Variants in NSMAF observed in about 807,000 individuals in gnomAD.
NSMAF encodes protein FAN.
In NSMAF, 90 loss-of-function variants were observed where a neutral mutation model predicts 134.9. The ratio of observed to expected loss-of-function variants is 0.67; its 90% CI spans 0.56 to 0.79. The LOEUF (loss-of-function observed/expected upper bound fraction) is 0.79, where lower values mean the gene tolerates loss of function less well. NSMAF is among the 30% of genes least tolerant of loss of function. The pLI is 0.00. For missense variants in NSMAF, 1,010 were observed against 1,119.0 expected (o/e 0.90, Z 1.39); for synonymous variants, 358 against 389.6 (o/e 0.92, Z 0.96).
intron 14 of NSMAF, 39 bp downstream of exon 14, chr8:58,602,019 C>T (rs752311208): frequency 7.3e-6 from 11 of 1,499,948 alleles, no homozygotes; most frequent in Middle Eastern, 1.7e-4. Flanking sequence ...CATGGCTTCT[C>T]GTGTTGCTTA....
chr8:58,630,330 T>A (rs527767843), intron 6 of NSMAF, among the ~76,000 whole-genome samples: 1 of 152,022 alleles, frequency 6.6e-6, no homozygotes, highest in Admixed American at 6.5e-5. Context: ...TTTTTTTTTT[T>A]AATCTGAGAA....
At position 58,601,544 on chromosome 8, in the gene NSMAF, C is replaced by CATAAA; in HGVS notation, c.1126-10_1126-9insTTTAT. On this transcript the variant is annotated splice_polypyrimidine_tract_variant and intron_variant, in intron 14 of 30. Transcript: ENST00000038176. The stretch of plus-strand genomic sequence containing the variant: ...ATTTCCTGGTAGCGTGTCTAGAATA[C>CATAAA]AGAAAAAAAAAAAAAATAGAGCTAA... 2.2e-6 allele frequency: 2 copies of CATAAA among 911,210 alleles called. No individual in the cohort carries two copies. The highest frequency in any genetic ancestry group is 1.4e-6 in the Non-Finnish European group (1 of 713,304). 56.4% of individuals were successfully genotyped at this position (911,210 alleles called of 1,614,324 possible).
chr8:58,584,664 C>T (rs956521790), intron 30 of NSMAF, among the ~76,000 whole-genome samples: 1 of 152,100 alleles, frequency 6.6e-6, no homozygotes, highest in South Asian at 2.1e-4. Context: ...GAAATAGTCT[C>T]GCTCTTGCTC....
chr8:58,654,611 G>A (rs1807662471), intron 1 of NSMAF, among the ~76,000 whole-genome samples: 1 of 152,132 alleles, frequency 6.6e-6, no homozygotes, highest in Non-Finnish European at 1.5e-5. Context: ...TACACTCATG[G>A]AATGTCTGAA....
At position 58,635,375 on chromosome 8, in the gene NSMAF, G is replaced by T; in HGVS notation, c.229-3C>A. On this transcript the variant is annotated splice_polypyrimidine_tract_variant and splice_region_variant and intron_variant, in intron 3 of 30. Transcript: ENST00000038176. ...TTTATACAGTCTCTCAAAGGAATCTGGATAAAATTGAGAGAAATATTATAA... is the reference window on the plus strand; with the variant it reads ...TTTATACAGTCTCTCAAAGGAATCTTGATAAAATTGAGAGAAATATTATAA... 6.3e-7 allele frequency: 1 copy of T among 1,596,250 alleles called. No homozygotes were observed. Among genetic ancestry groups the T allele is most frequent in the South Asian group, 1.1e-5 (1 of 87,206 alleles).
chr8:58,596,796 C>T lies in NSMAF; in HGVS notation c.1792+591G>A, dbSNP rs189309686. On this transcript the variant is annotated intron_variant, in intron 21 of 30. Coordinates refer to ENST00000038176, the MANE Select transcript of NSMAF (RefSeq NM_003580.4). Reference sequence around the variant, plus strand: ...TACAAAAATTAGCCGGGCGTGGTGGCGGGCGCCTGTAGTCCCAGCTACTCA... The same window carrying T: ...TACAAAAATTAGCCGGGCGTGGTGGTGGGCGCCTGTAGTCCCAGCTACTCA... 0.015 allele frequency among the ~76,000 whole-genome samples: 2,242 copies of T among 152,054 alleles called. 136 individuals carry two copies. In the East Asian group the frequency reaches 0.2, roughly 13 times the overall value.
At position 58,595,542 on chromosome 8, in the gene NSMAF, A is replaced by C. The variant is rs752157246; in HGVS notation, c.1892+18T>G. 7.1e-6 allele frequency: 11 copies of C among 1,550,866 alleles called. No homozygotes were observed. Among genetic ancestry groups the C allele is most frequent in the Admixed American group, 6.7e-5 (4 of 59,930 alleles). On this transcript the variant is annotated intron_variant, in intron 22 of 30. Transcript: ENST00000038176. ...ACCAGGACTATCAGCTGCTGAGAAGAAGCAGAGATATTCTTACTCTTTGTG... is the reference window on the plus strand; with the variant it reads ...ACCAGGACTATCAGCTGCTGAGAAGCAGCAGAGATATTCTTACTCTTTGTG...
intron 19 of NSMAF, among the ~76,000 whole-genome samples, chr8:58,598,490 C>CAAAAAAAAAAAAAAAA (rs71250204): frequency 1.0e-3 from 127 of 125,924 alleles, no homozygotes; most frequent in Non-Finnish European, 1.3e-3. Context: ...CTGTCTCAAA[C>CAAAAAAAAAAAAAAAA]AAAAAAAAAA....
chr8:58,615,331 T>G (rs1047230610), intron 9 of NSMAF, among the ~76,000 whole-genome samples: 1 of 152,132 alleles, frequency 6.6e-6, no homozygotes, highest in African/African-American at 2.4e-5. Flanking sequence ...CATCAACCAG[T>G]TGGACCCATA....
chr8:58,622,391 C>A (rs1396907207), intron 9 of NSMAF, among the ~76,000 whole-genome samples: 2 of 151,572 alleles, frequency 1.3e-5, no homozygotes, highest in Admixed American at 1.3e-4. Context: ...CACCACCATG[C>A]CCAACTAATT....
chr8:58,594,410 G>T, intron 22 of NSMAF, 120 bp from the exon 23 acceptor site: 1 of 855,948 alleles, frequency 1.2e-6, no homozygotes, highest in South Asian at 1.5e-5. Flanking sequence ...CAGCATGTCT[G>T]CCGGATCTGT....
intron 10 of NSMAF, among the ~76,000 whole-genome samples, 164 bp from the exon 11 acceptor site, chr8:58,608,004 C>T (rs1806446808): frequency 6.6e-6 from 1 of 152,236 alleles, no homozygotes; most frequent in Non-Finnish European, 1.5e-5. Context: ...TCCCATTCTG[C>T]TCTGCCATCT....
intron 19 of NSMAF, 99 bp downstream of exon 19, chr8:58,599,133 A>T: frequency 8.0e-7 from 1 of 1,257,322 alleles, no homozygotes; most frequent in Non-Finnish European, 1.1e-6. Flanking sequence ...CTTTGGCCTC[A>T]TTTTTTTGTT....
In NSMAF at chr8:58,598,353, T is replaced by A. The variant is rs183507722; in HGVS notation, c.1586-451A>T. 4.7e-3 allele frequency among the ~76,000 whole-genome samples: 683 copies of A among 145,116 alleles called. 7 individuals are homozygous for A. Among genetic ancestry groups the A allele is most frequent in the African/African-American group, 0.016 (636 of 39,802 alleles). Reference sequence around the variant, plus strand: ...ATATTGCTGCTATTTTCTGTTAAATTAAAAAAAAAAACTCTGGCAGCTACT... The same window carrying A: ...ATATTGCTGCTATTTTCTGTTAAATAAAAAAAAAAAACTCTGGCAGCTACT... On this transcript the variant is annotated intron_variant, in intron 19 of 30. Coordinates refer to ENST00000038176, the MANE Select transcript of NSMAF (RefSeq NM_003580.4).
intron 26 of NSMAF, 103 bp downstream of exon 26, chr8:58,589,349 A>T: frequency 1.2e-6 from 1 of 813,070 alleles, no homozygotes; most frequent in Non-Finnish European, 1.7e-6. Flanking sequence ...AGCAATAGGT[A>T]GTTGAGTGGC....
intron 6 of NSMAF, 49 bp from the exon 7 acceptor site, chr8:58,623,829 C>A (rs758630422): frequency 2.1e-6 from 3 of 1,438,932 alleles, no homozygotes; most frequent in South Asian, 1.1e-5. Context: ...AGAAGTGTGC[C>A]AAACTATGCT....
chr8:58,637,305 T>C, intron 2 of NSMAF: 2 of 455,838 alleles, frequency 4.4e-6, no homozygotes, highest in South Asian at 3.1e-5. Context: ...CAGCAATTTC[T>C]CCAAAGAACC....
chr8:58,597,946 A>C (rs745486896), intron 19 of NSMAF, 44 bp from the exon 20 acceptor site: 5 of 1,348,780 alleles, frequency 3.7e-6, no homozygotes, highest in Non-Finnish European at 5.3e-6. Context: ...GTGCTATTTC[A>C]ATGTAATATA....
intron 9 of NSMAF, among the ~76,000 whole-genome samples, chr8:58,618,165 G>A (rs932046066): frequency 2.6e-5 from 4 of 152,134 alleles, no homozygotes; most frequent in African/African-American, 9.7e-5. Context: ...CTGTCGTGGG[G>A]TGGGGAGCCG....
Sources: gnomAD v4.1 joint callset for allele counts (sites outside exome capture counted in the v4.1 genomes callset) on GRCh38, gnomAD v4.1.1 for gene constraint, MANE v1.5 for transcripts, NCBI Gene and HGNC (gene_info 2026-07-23, HGNC 2026-07-21) for gene names.